The following PGAM5 variants were observed in gnomAD, a reference collection of about 807,000 sequenced individuals.
The protein encoded by PGAM5 is PGAM family member 5, mitochondrial serine/threonine protein phosphatase.
PGAM5 carries 25 observed loss-of-function variants against 30.6 expected under a neutral mutation model. That is an observed-to-expected ratio of 0.82 (90% confidence interval 0.60 to 1.14). The LOEUF (loss-of-function observed/expected upper bound fraction) is 1.14, where lower values mean the gene tolerates loss of function less well. PGAM5 is among the 50% of genes most tolerant of loss of function. The pLI, the probability that PGAM5 is intolerant of heterozygous loss-of-function variation, is 0.00. For missense variants in PGAM5, 384 were observed against 408.5 expected (o/e 0.94, Z 0.52); for synonymous variants, 201 against 179.1 (o/e 1.12, Z -0.98).
At chr12:132,715,435 G>A (rs927573670) in intron 2 of PGAM5, among the ~76,000 whole-genome samples, 2 of 151,864 alleles carry the variant, frequency 1.3e-5, no homozygotes, top group African/African-American at 2.4e-5. Flanking sequence ...GCCAGGTGCA[G>A]TGGTGGGCGC....
intron 5 of PGAM5, among the ~76,000 whole-genome samples, chr12:132,719,596 C>A (rs2043622837): frequency 6.6e-6 from 1 of 152,236 alleles, no homozygotes. Context: ...ATGACACAGT[C>A]ACCCCGAGGT....
In PGAM5 at chr12:132,720,792, G is replaced by T; in HGVS notation, c.834G>T (p.Thr278=). Residue 278 remains threonine, a synonymous_variant, in exon 6 of 6, where the codon ACG becomes ACT. Transcript: ENST00000498926. ...TTGCGCTCAGGACCCTCGGGGACAC[G>T]GGGTTCATGCCTCCCGACAAGATCA... ...GRVALRTLGD[T]GFMPPDKITR... is the part of the protein sequence containing the mutation. 2.6e-6 allele frequency: 4 copies of T among 1,536,456 alleles called. No homozygotes were observed. The highest frequency in any genetic ancestry group is 3.5e-6 in the Non-Finnish European group (4 of 1,146,852).
Position 132,715,028 on chromosome 12 carries a change from C to A in PGAM5, c.362C>A (p.Thr121Asn). 1 of 1,610,372 alleles carries A rather than the reference C, an allele frequency of 6.2e-7. No individual in the cohort carries two copies. The highest frequency in any genetic ancestry group is 8.5e-7 in the Non-Finnish European group (1 of 1,178,688). ...DGSLEKDRTLTPLGREQAELT... is the reference protein window; with the variant it reads ...DGSLEKDRTLNPLGREQAELT... ...TCCCTGGAGAAGGACCGCACTCTGA[C>A]CCCGCTGGGTATGTGGTGGGTTCAG... is the stretch of plus-strand genomic sequence containing the variant. Residue 121 changes from threonine (T) to asparagine (N), a missense_variant, in exon 2 of 6, where the codon ACC (threonine) becomes AAC (asparagine). Transcript: ENST00000498926.
intron 5 of PGAM5, 59 bp downstream of exon 5, chr12:132,718,179 G>T: frequency 6.2e-7 from 1 of 1,602,890 alleles, no homozygotes; most frequent in Non-Finnish European, 8.5e-7. Flanking sequence ...AGAAAAGCAT[G>T]AGGAAGAAGC....
chr12:132,720,993 T>G lies in PGAM5; in HGVS notation c.*165T>G. ...AGAGTTGGGATCAGACAGCCTGACT[T>G]CTCTGCAGGGTTTTATACCTGACCA... On this transcript the variant is annotated 3_prime_UTR_variant, in exon 6 of 6. Coordinates refer to ENST00000498926, the MANE Select transcript of PGAM5 (RefSeq NM_001170543.2). 2.3e-6 allele frequency: 2 copies of G among 865,030 alleles called. No individual in the cohort carries two copies. Among genetic ancestry groups the G allele is most frequent in the Non-Finnish European group, 3.4e-6 (2 of 583,276 alleles). The allele number at this position is 865,030 out of a possible 1,614,324, so 53.6% of individuals were successfully genotyped here.
At chr12:132,713,104 G>A (rs943001107) in intron 1 of PGAM5, among the ~76,000 whole-genome samples, 1 of 152,180 alleles carries the variant, frequency 6.6e-6, no homozygotes, top group Non-Finnish European at 1.5e-5. Flanking sequence ...AGGCTGCAGT[G>A]AGCCCAGATC....
chr12:132,713,220 A>C (rs2043539221), intron 1 of PGAM5, among the ~76,000 whole-genome samples: 1 of 152,192 alleles, frequency 6.6e-6, no homozygotes, highest in Non-Finnish European at 1.5e-5. Flanking sequence ...TTCTCTTTTA[A>C]GCAGGTGTTC....
chr12:132,720,219 G>A (rs1456538318), intron 5 of PGAM5, among the ~76,000 whole-genome samples: 3 of 151,362 alleles, frequency 2.0e-5, no homozygotes, highest in Non-Finnish European at 3.0e-5. Context: ...TGAGACTTCT[G>A]AGGGGCTCAG....
chr12:132,713,348 C>T (rs1012533242), intron 1 of PGAM5, among the ~76,000 whole-genome samples: 9 of 152,308 alleles, frequency 5.9e-5, no homozygotes, highest in African/African-American at 2.2e-4. Flanking sequence ...CATGTTTCTT[C>T]TTGAGTCTCA....
intron 2 of PGAM5, among the ~76,000 whole-genome samples, chr12:132,715,410 A>C (rs1288602870): frequency 6.7e-6 from 1 of 150,324 alleles, no homozygotes; most frequent in East Asian, 2.0e-4. Context: ...GTCTCTACTA[A>C]AAGTACAAAA....
At chr12:132,717,588 C>T in intron 3 of PGAM5, 24 bp downstream of exon 3, 1 of 1,608,916 alleles carries the variant, frequency 6.2e-7, no homozygotes, top group South Asian at 1.1e-5. Context: ...GCGGGGCCTC[C>T]ATGCTTGCAG....
chr12:132,715,081 GGC>G, intron 2 of PGAM5, 45 bp downstream of exon 2: 3 of 1,491,204 alleles, frequency 2.0e-6, no homozygotes, highest in Non-Finnish European at 2.7e-6. Context: ...GTGGTTATGT[GGC>G]CAGGTGCATA....
In PGAM5 at chr12:132,719,559, A is replaced by G. The variant is rs148849418; in HGVS notation, c.720-1119A>G. Among the ~76,000 whole-genome samples, 690 of 152,218 alleles carry G rather than the reference A, an allele frequency of 4.5e-3. 6 individuals carry two copies. Among genetic ancestry groups the G allele is most frequent in the Non-Finnish European group, 7.4e-3 (501 of 67,996 alleles). ...TGAATGAGCCATATGGGTGGCTTCT[A>G]TGCTGCCACCACCACCTTGTGTGTC... On this transcript the variant is annotated intron_variant, in intron 5 of 5. Transcript: ENST00000498926.
intron 1 of PGAM5, among the ~76,000 whole-genome samples, chr12:132,712,520 A>C (rs973263325): frequency 6.6e-6 from 1 of 152,058 alleles, no homozygotes; most frequent in African/African-American, 2.4e-5. Context: ...GCAATGGTGC[A>C]ATCTCGGCTC....
At position 132,715,570 on chromosome 12, in the gene PGAM5, C is replaced by A. The variant is rs868773703; in HGVS notation, c.370+534C>A. On this transcript the variant is annotated intron_variant, in intron 2 of 5. Coordinates refer to ENST00000498926, the MANE Select transcript of PGAM5 (RefSeq NM_001170543.2). The stretch of plus-strand genomic sequence containing the variant: ...TGGGCGACAGAGCGAGACTCCGTCT[C>A]AAAAAAAAAAAAAATGTCCTTACCT... Among the ~76,000 whole-genome samples the A allele has an allele frequency of 9.9e-4, 121 of 122,344 alleles. 1 individual carries two copies. In the East Asian group the frequency reaches 0.01, roughly 10 times the overall value. The allele number at this position is 122,344 out of a possible 152,430, so 80.3% of individuals were successfully genotyped here. A position where few individuals can be genotyped will look rare whatever the true frequency, so the allele number is the denominator to read the frequency against.
At chr12:132,718,706 G>A in intron 5 of PGAM5, 4 of 1,583,420 alleles carry the variant, frequency 2.5e-6, no homozygotes, top group Non-Finnish European at 3.5e-6. Context: ...TGAACGTCCT[G>A]TTTCCCCTCA....
In PGAM5 at chr12:132,720,847, C is replaced by A; in HGVS notation, c.*19C>A. ...ATCCTGAGGGCTCCGGCCTCTCCTT[C>A]CCTCTGTCCTCCCTGCACAGGCCGC... On this transcript the variant is annotated 3_prime_UTR_variant, in exon 6 of 6. Transcript: ENST00000498926. 1.3e-6 allele frequency: 2 copies of A among 1,534,598 alleles called. No homozygotes were observed. The highest frequency in any genetic ancestry group is 1.7e-6 in the Non-Finnish European group (2 of 1,145,602).
Position 132,722,329 on chromosome 12 carries a change from C to A in PGAM5, c.*1501C>A, listed in dbSNP as rs953460141. The A allele has an allele frequency of 6.6e-6, 1 of 150,472 alleles. No homozygotes were observed. Among genetic ancestry groups the A allele is most frequent in the Non-Finnish European group, 1.5e-5 (1 of 67,828 alleles). The allele number at this position is 150,472 out of a possible 1,614,324, so 9.3% of individuals were successfully genotyped here. On this transcript the variant is annotated 3_prime_UTR_variant, in exon 6 of 6. Coordinates refer to ENST00000498926, the MANE Select transcript of PGAM5 (RefSeq NM_001170543.2). The stretch of plus-strand genomic sequence containing the variant: ...GCAGTGGCGCGATCTCGGCTCACTG[C>A]AACCTCTGCCTCCTGGGTTCAAACG...
chr12:132,720,516 C>CCGGGA (rs1193030251), intron 5 of PGAM5, among the ~76,000 whole-genome samples, 162 bp from the exon 6 acceptor site: 4 of 152,060 alleles, frequency 2.6e-5, no homozygotes, highest in Non-Finnish European at 5.9e-5. Context: ...ACCGTGTTAG[C>CCGGGA]TGGGATGGTC....
Sources: gnomAD v4.1 joint callset for allele counts (sites outside exome capture counted in the v4.1 genomes callset) on GRCh38, gnomAD v4.1.1 for gene constraint, MANE v1.5 for transcripts, NCBI Gene and HGNC (gene_info 2026-07-23, HGNC 2026-07-21) for gene names.